The following CPM variants were observed in gnomAD, a reference collection of about 807,000 sequenced individuals.
CPM encodes carboxypeptidase M, also known as renal carboxypeptidase.
A neutral mutation model predicts 46.4 loss-of-function variants in CPM; 35 were observed. That is an observed-to-expected ratio of 0.75 (90% CI 0.58 to 1.00). CPM has a LOEUF of 1.00. Among genes scored for constraint, CPM ranks in the 50% least tolerant of loss-of-function variants. The pLI, the probability that CPM is intolerant of heterozygous loss-of-function variation, is 0.00. For synonymous variants in CPM, 195 were observed against 195.3 expected, an observed-to-expected ratio of 1.00 and a Z score of 0.01; for missense variants, 422 against 530.4, an observed-to-expected ratio of 0.80 and a Z score of 2.01.
intron 3 of CPM, among the ~76,000 whole-genome samples, chr12:68,882,531 G>A (rs140819057): frequency 6.6e-6 from 1 of 152,130 alleles, no homozygotes; most frequent in Non-Finnish European, 1.5e-5. Context: ...ATGAACATAC[G>A]TGTGAATGTG....
intron 5 of CPM, chr12:68,842,443 A>T (rs975151807): frequency 2.3e-6 from 1 of 444,232 alleles, no homozygotes; most frequent in African/African-American, 2.0e-5. Flanking sequence ...TCCTTTGGAG[A>T]CTTAGAACCT....
chr12:68,871,305 T>C (rs1032929853), intron 4 of CPM, among the ~76,000 whole-genome samples: 1 of 151,970 alleles, frequency 6.6e-6, no homozygotes, highest in Non-Finnish European at 1.5e-5. Flanking sequence ...TAGCTTGCAG[T>C]GTAGTGGGGG....
chr12:68,932,674 C>G lies in CPM; in HGVS notation c.160+4G>C. 6.2e-7 allele frequency: 1 copy of G among 1,613,910 alleles called. No individual in the cohort carries two copies. On this transcript the variant is annotated splice_donor_region_variant and intron_variant, in intron 2 of 8. Coordinates refer to ENST00000551568, the MANE Select transcript of CPM (RefSeq NM_198320.5). ...TGGCAAAGTGTTCACGAGACGGACC[C>G]TACCTTTCACAGATTTCCCAATACT...
chr12:68,947,924 C>T (rs1223088462), intron 1 of CPM, among the ~76,000 whole-genome samples: 1 of 152,124 alleles, frequency 6.6e-6, no homozygotes, highest in African/African-American at 2.4e-5. Flanking sequence ...CCATTTCTAG[C>T]ATACCCACTC....
intron 2 of CPM, among the ~76,000 whole-genome samples, chr12:68,906,028 G>A (rs999486038): frequency 1.3e-5 from 2 of 152,154 alleles, no homozygotes; most frequent in Admixed American, 6.5e-5. Flanking sequence ...CTCAAGCATC[G>A]GTCATCGTGG....
At chr12:68,843,254 G>A (rs946677540) in intron 5 of CPM, 7 of 226,866 alleles carry the variant, frequency 3.1e-5, no homozygotes, top group African/African-American at 4.5e-5. Context: ...ATGCTTTGAG[G>A]ACCTCCAAAG....
Position 68,854,380 on chromosome 12 carries a change from C to T in CPM, c.*2057G>A, listed in dbSNP as rs185463873. On this transcript the variant is annotated 3_prime_UTR_variant, in exon 9 of 9. Transcript: ENST00000551568. ...AAATAGACCTTGGCCTCAAAGAGCT[C>T]ACATTCTACTAGAGAAGGCACACAT... The T allele has an allele frequency of 1.3e-5, 2 of 152,316 alleles. No homozygotes were observed. The highest frequency in any genetic ancestry group is 4.8e-5 in the African/African-American group (2 of 41,564). 9.4% of individuals were successfully genotyped at this position (152,316 alleles called of 1,614,324 possible). A position where few individuals can be genotyped will look rare whatever the true frequency, so the allele number is the denominator to read the frequency against.
At chr12:68,920,829 T>G (rs1888009059) in intron 2 of CPM, among the ~76,000 whole-genome samples, 1 of 151,626 alleles carries the variant, frequency 6.6e-6, no homozygotes, top group Non-Finnish European at 1.5e-5. Context: ...TAGCTGGGAT[T>G]ACAGGTGTGC....
At chr12:68,928,758 G>A (rs1465540463) in intron 2 of CPM, among the ~76,000 whole-genome samples, 2 of 125,490 alleles carry the variant, frequency 1.6e-5, no homozygotes, top group Non-Finnish European at 3.3e-5. Context: ...TTTTTTTTTT[G>A]AGACAGGGTC....
At chr12:68,882,191 T>C (rs1457017096) in intron 3 of CPM, among the ~76,000 whole-genome samples, 3 of 152,066 alleles carry the variant, frequency 2.0e-5, no homozygotes, top group African/African-American at 7.2e-5. Context: ...CATCACCCAG[T>C]TAATAAGCAT....
Position 68,870,253 on chromosome 12 carries a change from G to T in CPM, c.578C>A (p.Ala193Asp), listed in dbSNP as rs1424897458. 2 of 1,614,084 alleles carry T rather than the reference G, an allele frequency of 1.2e-6. No homozygotes were observed. Among genetic ancestry groups the T allele is most frequent in the Admixed American group, 3.3e-5 (2 of 60,004 alleles). ...ATCAAATGGGTAACTGGCCACGAGG[G>T]CACCACCATGGAGGTTTGCAGAGAG... ...FVLSANLHGG[A>D]LVASYPFDNG... is the part of the protein sequence containing the mutation. Residue 193 changes from alanine (A) to aspartate (D), a missense_variant, in exon 5 of 9, where the codon GCC becomes GAC. By Grantham distance (126) the Ala-to-Asp change is moderately radical (BLOSUM62 -2). Transcript: ENST00000551568.
chr12:68,950,564 T>G (rs1592715241), intron 1 of CPM, among the ~76,000 whole-genome samples: 1 of 152,308 alleles, frequency 6.6e-6, no homozygotes, highest in East Asian at 1.9e-4. Context: ...GTGCCTATTC[T>G]TTTTATGCTC....
At chr12:68,925,283 G>T (rs566214909) in intron 2 of CPM, among the ~76,000 whole-genome samples, 48 of 152,110 alleles carry the variant, frequency 3.2e-4, no homozygotes, top group South Asian at 2.7e-3. Flanking sequence ...TCCTTTTTGG[G>T]TATGTATTAA....
At chr12:68,881,370 G>A (rs1454533447) in intron 3 of CPM, among the ~76,000 whole-genome samples, 2 of 152,152 alleles carry the variant, frequency 1.3e-5, no homozygotes, top group South Asian at 4.1e-4. Flanking sequence ...ATAATAAAAA[G>A]ATACTGGATT....
At chr12:68,921,137 C>CA (rs1555200060) in intron 2 of CPM, among the ~76,000 whole-genome samples, 5 of 142,556 alleles carry the variant, frequency 3.5e-5, no homozygotes, top group Non-Finnish European at 7.7e-5. Context: ...TATTTAAACA[C>CA]TTTTTTTTTT....
intron 2 of CPM, among the ~76,000 whole-genome samples, chr12:68,926,818 G>T (rs1242921611): frequency 2.6e-5 from 4 of 152,020 alleles, no homozygotes; most frequent in Admixed American, 1.3e-4. Context: ...GTGGTGTTTG[G>T]TTTTTTGTTC....
intron 1 of CPM, among the ~76,000 whole-genome samples, chr12:68,951,281 T>C (rs895800594): frequency 1.3e-5 from 2 of 152,260 alleles, no homozygotes; most frequent in Non-Finnish European, 2.9e-5. Flanking sequence ...AACAATGTTT[T>C]TGAGGCTTTC....
At chr12:68,845,302 A>G (rs763260384) in intron 5 of CPM, 5 of 213,600 alleles carry the variant, frequency 2.3e-5, no homozygotes, top group Non-Finnish European at 4.7e-5. Context: ...TGTAAGAGGG[A>G]CTTTTTGACA....
intron 2 of CPM, among the ~76,000 whole-genome samples, chr12:68,888,685 A>G (rs1886533309): frequency 6.6e-6 from 1 of 152,240 alleles, no homozygotes; most frequent in Non-Finnish European, 1.5e-5. Flanking sequence ...AGTTCCTGCT[A>G]TAACAGGTGT....
Sources: allele counts gnomAD v4.1 joint callset (sites outside exome capture counted in the v4.1 genomes callset), GRCh38; gene constraint gnomAD v4.1.1; transcripts MANE v1.5; gene names NCBI Gene and HGNC (gene_info 2026-07-23, HGNC 2026-07-21).